Variants in SLC27A2 observed in about 807,000 individuals in gnomAD.
SLC27A2 encodes long-chain fatty acid transport protein 2.
In SLC27A2, 54 loss-of-function variants were observed where a neutral mutation model predicts 60.0. The observed-to-expected ratio is 0.90, with a 90% CI of 0.72 to 1.13. SLC27A2 has a LOEUF of 1.13. Ranked by LOEUF, SLC27A2 falls within the 50% of genes most tolerant of loss-of-function variation. SLC27A2 has a pLI of 0.00. For missense variants in SLC27A2, 739 were observed against 777.6 expected (o/e 0.95, Z 0.59); for synonymous variants, 297 against 297.6 (o/e 1.00, Z 0.02).
intron 9 of SLC27A2, among the ~76,000 whole-genome samples, chr15:50,234,886 A>G (rs559000555): frequency 2.5e-4 from 38 of 152,332 alleles, no homozygotes; most frequent in African/African-American, 9.1e-4. Context: ...GTGAGTCCTG[A>G]CAGATAGCGC....
intron 4 of SLC27A2, among the ~76,000 whole-genome samples, chr15:50,220,419 T>C (rs1482303379): frequency 5.3e-5 from 8 of 152,212 alleles, no homozygotes; most frequent in Admixed American, 5.2e-4. Context: ...CAAAGGAGTT[T>C]ACCATTTAAT....
At chr15:50,218,999 T>A (rs1375849711) in intron 4 of SLC27A2, among the ~76,000 whole-genome samples, 2 of 152,128 alleles carry the variant, frequency 1.3e-5, no homozygotes, top group Non-Finnish European at 2.9e-5. Flanking sequence ...ATGAAGCAAA[T>A]TGGAAGAAAG....
intron 1 of SLC27A2, among the ~76,000 whole-genome samples, chr15:50,189,400 G>A (rs867899222): frequency 2.0e-5 from 3 of 152,290 alleles, no homozygotes; most frequent in Middle Eastern, 6.8e-3. Context: ...TGTGAGTAGG[G>A]TGGTGGAGGA....
rs1413466765 is a variant in SLC27A2 at position 50,182,523 on chromosome 15, C to T, written c.96C>T (p.Tyr32=). ...CCPYFFQDIG[Y]FLKVAAVGRR... is the part of the protein sequence containing the mutation. ...CATACTTCTTCCAGGACATAGGCTA[C>T]TTCTTGAAGGTGGCCGCCGTGGGCC... is the stretch of plus-strand genomic sequence containing the variant. Residue 32 remains tyrosine, a synonymous_variant, in exon 1 of 10, where the codon TAC becomes TAT. Transcript: ENST00000267842. The T allele has an allele frequency of 1.2e-6, 2 of 1,612,464 alleles. No homozygotes were observed. The highest frequency in any genetic ancestry group is 1.7e-6 in the Non-Finnish European group (2 of 1,179,368).
intron 8 of SLC27A2, 60 bp downstream of exon 8, chr15:50,229,102 C>G: frequency 8.3e-7 from 1 of 1,200,726 alleles, no homozygotes. Context: ...ATTTTGGCCT[C>G]AAGGCGAAGT....
intron 8 of SLC27A2, among the ~76,000 whole-genome samples, chr15:50,229,574 C>G (rs1376014319): frequency 6.6e-6 from 1 of 152,212 alleles, no homozygotes; most frequent in Non-Finnish European, 1.5e-5. Flanking sequence ...GGGCCAGTGT[C>G]TGACCTTGAA....
chr15:50,235,030 T>C (rs2045341331), intron 9 of SLC27A2, among the ~76,000 whole-genome samples: 1 of 152,212 alleles, frequency 6.6e-6, no homozygotes, highest in Non-Finnish European at 1.5e-5. Context: ...GACTTAACTA[T>C]CACCGCTAGG....
Position 50,182,732 on chromosome 15 carries a change from G to T in SLC27A2, c.305G>T (p.Arg102Leu), listed in dbSNP as rs771501248. 19 of 1,613,768 alleles carry T rather than the reference G, an allele frequency of 1.2e-5. No homozygotes were observed. ...GCGCTGCACGACCACCTCGGCCTGC[G>T]CCAGGGAGACTGCGTGGCGCTCCTT... ...ARALHDHLGLRQGDCVALLMG... is the reference protein window; with the variant it reads ...ARALHDHLGLLQGDCVALLMG... Residue 102 changes from arginine to leucine, a missense_variant, in exon 1 of 10, where the codon CGC becomes CTC. Arg to Leu is a moderately radical substitution (Grantham distance 102). Transcript: ENST00000267842.
At position 50,182,289 on chromosome 15, in the gene SLC27A2, T is replaced by A. The variant is rs550411679; in HGVS notation, c.-139T>A. ...CAGCGGAGGAGCTCTGTCTTCCCCT[T>A]CATCTCACGCGAGCCCGGCGTCCCG... is the stretch of plus-strand genomic sequence containing the variant. On this transcript the variant is annotated 5_prime_UTR_variant, in exon 1 of 10. Transcript: ENST00000267842. 45 of 1,277,012 alleles carry A rather than the reference T, an allele frequency of 3.5e-5. No homozygotes were observed. In the East Asian group the frequency reaches 3.5e-4, roughly 10 times the overall value. 79.1% of individuals were successfully genotyped at this position (1,277,012 alleles called of 1,614,324 possible). A position where few individuals can be genotyped will look rare whatever the true frequency, so the allele number is the denominator to read the frequency against.
At chr15:50,183,994 C>CTTTTTTT (rs577766814) in intron 1 of SLC27A2, among the ~76,000 whole-genome samples, 1,740 of 91,044 alleles carry the variant, frequency 0.019, 239 homozygotes, top group East Asian at 0.11. Flanking sequence ...TTTCCTACAT[C>CTTTTTTT]TTTTTTTTTT....
At chr15:50,184,954 A>G (rs759619297) in intron 1 of SLC27A2, among the ~76,000 whole-genome samples, 21 of 152,228 alleles carry the variant, frequency 1.4e-4, no homozygotes, top group African/African-American at 2.9e-4. Flanking sequence ...TAACTTCACT[A>G]CTTTGTAACT....
At position 50,234,108 on chromosome 15, in the gene SLC27A2, CA is replaced by C. The variant is rs1595694500; in HGVS notation, c.1686+111del. On this transcript the variant is annotated intron_variant, in intron 9 of 9. Transcript: ENST00000267842. ...GACTACATTTGCCAAGTTTTCACCG[CA>C]CTTTCCAGGAAGCTCAGAAAAGTGT... is the stretch of plus-strand genomic sequence containing the variant. 1.8e-5 allele frequency: 19 copies of C among 1,076,582 alleles called. No homozygotes were observed. The East Asian group carries it at 4.5e-4, about 26-fold the overall frequency. The allele number at this position is 1,076,582 out of a possible 1,614,324, so 66.7% of individuals were successfully genotyped here.
In SLC27A2 at chr15:50,204,682, G is replaced by A. The variant is rs371663082; in HGVS notation, c.848-557G>A. ...TGGGGGGCGGGTGTTGCAGTGAGTCGAGATGGCACCACTGCACTCCAGCCT... is the reference window on the plus strand; with the variant it reads ...TGGGGGGCGGGTGTTGCAGTGAGTCAAGATGGCACCACTGCACTCCAGCCT... On this transcript the variant is annotated intron_variant, in intron 3 of 9. Transcript: ENST00000267842. 3.7e-4 allele frequency among the ~76,000 whole-genome samples: 55 copies of A among 149,878 alleles called. No individual in the cohort carries two copies. In the South Asian group the frequency reaches 7.6e-3, roughly 21 times the overall value.
intron 4 of SLC27A2, among the ~76,000 whole-genome samples, chr15:50,209,716 T>G (rs2045139783): frequency 6.6e-6 from 1 of 152,210 alleles, no homozygotes; most frequent in Admixed American, 6.5e-5. Flanking sequence ...GGGCCTCTTC[T>G]GTAAAGCAAA....
chr15:50,182,580 G>A lies in SLC27A2; in HGVS notation c.153G>A (p.Pro51=). The stretch of plus-strand genomic sequence containing the variant: ...TGCGCAGCTACGGGAAGCGGCGGCC[G>A]GCGCGCACCATCCTGCGGGCGTTCC... ...RRVRSYGKRR[P]ARTILRAFLE... The change falls in exon 1 of 10, where the codon CCG becomes CCA. Residue 51 remains proline, a synonymous_variant. Transcript: ENST00000267842. 6.2e-7 allele frequency: 1 copy of A among 1,611,962 alleles called. No individual in the cohort carries two copies. Among genetic ancestry groups the A allele is most frequent in the South Asian group, 1.1e-5 (1 of 90,998 alleles).
intron 1 of SLC27A2, among the ~76,000 whole-genome samples, chr15:50,195,636 A>G (rs2045008025): frequency 2.0e-5 from 3 of 152,096 alleles, no homozygotes; most frequent in African/African-American, 4.8e-5. Context: ...CAGGTGCATG[A>G]GTCTTTTGAT....
chr15:50,185,391 C>A (rs1166354208), intron 1 of SLC27A2, among the ~76,000 whole-genome samples: 1 of 152,122 alleles, frequency 6.6e-6, no homozygotes, highest in Non-Finnish European at 1.5e-5. Flanking sequence ...CACTGAGATA[C>A]CTTTGCACAT....
chr15:50,227,051 C>G lies in SLC27A2; in HGVS notation c.1330C>G (p.Gln444Glu). ...TAATGGCTATGCTGGAGCAAAGGCT[C>G]AGACAGAGAAGAAAAAACTGAGAGA... ...PFNGYAGAKA[Q>E]TEKKKLRDVF... Residue 444 changes from glutamine (Q) to glutamate (E), a missense_variant, in exon 7 of 10, where the codon CAG (glutamine) becomes GAG (glutamate). Physicochemically the swap from Gln to Glu is conservative, Grantham distance 29 (BLOSUM62 2). Coordinates refer to ENST00000267842, the MANE Select transcript of SLC27A2 (RefSeq NM_003645.4). The G allele has an allele frequency of 6.2e-7, 1 of 1,614,144 alleles. No individual in the cohort carries two copies. Among genetic ancestry groups the G allele is most frequent in the South Asian group, 1.1e-5 (1 of 91,070 alleles).
chr15:50,194,813 G>C (rs2045000913), intron 1 of SLC27A2, among the ~76,000 whole-genome samples: 1 of 152,024 alleles, frequency 6.6e-6, no homozygotes, highest in Non-Finnish European at 1.5e-5. Context: ...AAAATGTAAA[G>C]GAGGGGAATA....
Sources: gnomAD v4.1 joint callset for allele counts (sites outside exome capture counted in the v4.1 genomes callset) on GRCh38, gnomAD v4.1.1 for gene constraint, MANE v1.5 for transcripts, NCBI Gene and HGNC (gene_info 2026-07-23, HGNC 2026-07-21) for gene names.